Variants in LRRIQ1 observed in about 807,000 individuals in gnomAD.
LRRIQ1 encodes the protein leucine rich repeats and IQ motif containing 1.
LRRIQ1 carries 210 observed loss-of-function variants against 211.9 expected under a neutral mutation model. The ratio of observed to expected loss-of-function variants is 0.99; its 90% CI spans 0.89 to 1.11. LRRIQ1 has a LOEUF of 1.11. LRRIQ1 is among the 50% of genes most tolerant of loss of function. The pLI is 0.00. For missense variants in LRRIQ1, 2,136 were observed against 1,939.5 expected (o/e 1.10, Z -1.90); for synonymous variants, 699 against 650.1 (o/e 1.08, Z -1.14).
chr12:85,267,331 AT>A (rs1304915925), downstream of LRRIQ1, among the ~76,000 whole-genome samples: 2 of 151,998 alleles, frequency 1.3e-5, no homozygotes, highest in African/African-American at 4.8e-5. Context: ...CTTTTATTTA[AT>A]GGAATTATGA....
intron 19 of LRRIQ1, among the ~76,000 whole-genome samples, chr12:85,150,152 C>T (rs1890145460): frequency 6.6e-6 from 1 of 151,768 alleles, no homozygotes; most frequent in Non-Finnish European, 1.5e-5. Flanking sequence ...GTGTAAGAGT[C>T]AGGCAACTTG....
chr12:85,166,309 T>C (rs1296140269), intron 24 of LRRIQ1, among the ~76,000 whole-genome samples: 1 of 152,196 alleles, frequency 6.6e-6, no homozygotes, highest in African/African-American at 2.4e-5. Context: ...GGGACAATTG[T>C]ACTCGATTTC....
chr12:85,136,215 A>G (rs2136537660), intron 18 of LRRIQ1, among the ~76,000 whole-genome samples: 1 of 152,086 alleles, frequency 6.6e-6, no homozygotes, highest in Middle Eastern at 3.4e-3. Context: ...TACAGTGGAA[A>G]TAAAGACCAC....
intron 24 of LRRIQ1, among the ~76,000 whole-genome samples, chr12:85,167,656 G>A (rs1052362645): frequency 2.0e-5 from 3 of 152,104 alleles, no homozygotes; most frequent in African/African-American, 7.2e-5. Context: ...CAGATTGAGG[G>A]TGGGCCTGCC....
chr12:85,197,980 TTATATTA>T (rs987202431), intron 24 of LRRIQ1, among the ~76,000 whole-genome samples: 4 of 104,398 alleles, frequency 3.8e-5, no homozygotes, highest in Non-Finnish European at 5.3e-5. Flanking sequence ...ATATATATAA[TTATATTA>T]TATATTATAT....
intron 2 of LRRIQ1, 87 bp downstream of exon 2, chr12:85,038,395 C>T (rs1878449799): frequency 3.2e-6 from 3 of 943,580 alleles, no homozygotes; most frequent in Non-Finnish European, 4.3e-6. Context: ...ATGTACTTCT[C>T]ATTTTTAGCA....
intron 1 of LRRIQ1, among the ~76,000 whole-genome samples, chr12:85,253,251 C>A (rs931292082): frequency 6.6e-6 from 1 of 151,984 alleles, no homozygotes; most frequent in Non-Finnish European, 1.5e-5. Flanking sequence ...TCCAAAGAAA[C>A]CCCACTAAAC....
At chr12:85,096,267 A>T (rs1427962277) in intron 11 of LRRIQ1, among the ~76,000 whole-genome samples, 2 of 152,108 alleles carry the variant, frequency 1.3e-5, no homozygotes, top group Non-Finnish European at 2.9e-5. Context: ...TGTTAATTTG[A>T]GATTTTTCTA....
chr12:85,187,789 A>T (rs1892295306), intron 24 of LRRIQ1, among the ~76,000 whole-genome samples: 1 of 151,142 alleles, frequency 6.6e-6, no homozygotes, highest in South Asian at 2.1e-4. Flanking sequence ...AGCCAGGGCA[A>T]CAAGAGCAAA....
Position 85,232,750 on chromosome 12 carries a change from G to T in LRRIQ1, c.5010G>T (p.Gln1670His). ...DPDVLNGGRV[Q>H]LVARLVSRED... ...ATGTACTTAATGGTGGAAGAGTTCA[G>T]CTTGTGGTAAGAAATGTGCTTAAAG... Residue 1670 changes from glutamine (Q) to histidine (H), a missense_variant, in exon 26 of 27, where the codon CAG (glutamine) becomes CAT (histidine). By Grantham distance (24) the Gln-to-His change is conservative. Transcript: ENST00000393217. The T allele has an allele frequency of 6.2e-7, 1 of 1,612,094 alleles. No individual in the cohort carries two copies. Among genetic ancestry groups the T allele is most frequent in the East Asian group, 2.2e-5 (1 of 44,684 alleles).
chr12:85,152,141 C>A, intron 19 of LRRIQ1, 139 bp from the exon 20 acceptor site: 1 of 632,386 alleles, frequency 1.6e-6, no homozygotes, highest in Non-Finnish European at 2.6e-6. Context: ...TATCATCTCA[C>A]AATAGTAAGT....
At chr12:85,225,986 G>C (rs1190342013) in intron 24 of LRRIQ1, among the ~76,000 whole-genome samples, 1 of 152,136 alleles carries the variant, frequency 6.6e-6, no homozygotes, top group East Asian at 1.9e-4. Context: ...CACTATGCTT[G>C]TTCTGTTTCT....
rs554847064 is a variant in LRRIQ1, at chr12:85,068,430, T to C, written c.2695+1532T>C. Among the ~76,000 whole-genome samples, 27 of 152,060 alleles carry C rather than the reference T, an allele frequency of 1.8e-4. No individual in the cohort carries two copies. The South Asian group carries it at 5.6e-3, about 31-fold the overall frequency. ...ATTTCAAACATTTATAAATGTACAA[T>C]AATACATAGAAATTCCATATAACCA... On this transcript the variant is annotated intron_variant, in intron 10 of 26. Transcript: ENST00000393217.
intron 26 of LRRIQ1, among the ~76,000 whole-genome samples, chr12:85,241,770 G>A (rs1405051186): frequency 2.0e-5 from 3 of 151,856 alleles, no homozygotes; most frequent in Non-Finnish European, 4.4e-5. Context: ...GTTTTTATGT[G>A]TGCTGTTTTG....
At chr12:85,058,503 G>A (rs1881398569) in intron 8 of LRRIQ1, among the ~76,000 whole-genome samples, 1 of 151,914 alleles carries the variant, frequency 6.6e-6, no homozygotes, top group Admixed American at 6.6e-5. Context: ...CAGTGTACTT[G>A]CTTCAAAAGT....
chr12:85,150,143 T>C (rs1023813547), intron 19 of LRRIQ1, among the ~76,000 whole-genome samples: 5 of 151,708 alleles, frequency 3.3e-5, no homozygotes, highest in Non-Finnish European at 7.4e-5. Context: ...ATAAAATCAG[T>C]GTAAGAGTCA....
intron 24 of LRRIQ1, among the ~76,000 whole-genome samples, chr12:85,162,052 T>C (rs915828392): frequency 1.3e-4 from 20 of 151,774 alleles, no homozygotes; most frequent in Non-Finnish European, 2.9e-4. Flanking sequence ...AAAAAAAAAT[T>C]AATAATAAAA....
chr12:85,158,170 T>C (rs1293203240), intron 23 of LRRIQ1, among the ~76,000 whole-genome samples: 1 of 151,860 alleles, frequency 6.6e-6, no homozygotes, highest in Non-Finnish European at 1.5e-5. Flanking sequence ...GCTGAAACAC[T>C]CTTGACATCT....
At chr12:85,245,885 A>G (rs980409007), downstream of LRRIQ1, among the ~76,000 whole-genome samples, 2 of 150,874 alleles carry the variant, frequency 1.3e-5, no homozygotes, top group Non-Finnish European at 3.0e-5. Flanking sequence ...ATACATATAT[A>G]TATAGAGAGA....
Sources: allele counts gnomAD v4.1 joint callset (sites outside exome capture counted in the v4.1 genomes callset), GRCh38; gene constraint gnomAD v4.1.1; transcripts MANE v1.5; gene names NCBI Gene and HGNC (gene_info 2026-07-23, HGNC 2026-07-21).